The following PIEZO2 variants were observed in gnomAD, a reference collection of about 807,000 sequenced individuals.
PIEZO2 encodes piezo-type mechanosensitive ion channel component 2.
In PIEZO2, 172 loss-of-function variants were observed where a neutral mutation model predicts 337.3. The ratio of observed to expected loss-of-function variants is 0.51; its 90% CI spans 0.45 to 0.58. PIEZO2 has a LOEUF of 0.58. Among genes scored for constraint, PIEZO2 ranks in the 20% least tolerant of loss-of-function variants. PIEZO2 has a pLI of 0.00. For synonymous variants in PIEZO2, 1,251 were observed against 1,228.5 expected (o/e 1.02, Z -0.38); for missense variants, 3,028 against 3,391.3 (o/e 0.89, Z 2.66).
At chr18:11,100,387 A>G (rs2039376698) in intron 1 of PIEZO2, among the ~76,000 whole-genome samples, 1 of 152,144 alleles carries the variant, frequency 6.6e-6, no homozygotes, top group African/African-American at 2.4e-5. Flanking sequence ...ATATTCATGT[A>G]TTAGAGTTAA....
At chr18:10,928,578 T>G (rs571554974) in intron 3 of PIEZO2, among the ~76,000 whole-genome samples, 1 of 152,358 alleles carries the variant, frequency 6.6e-6, no homozygotes, top group South Asian at 2.1e-4. Flanking sequence ...AAAGTTTTGT[T>G]GTAAATGAAT....
At chr18:10,823,278 A>C (rs1013547034) in intron 7 of PIEZO2, among the ~76,000 whole-genome samples, 3 of 152,220 alleles carry the variant, frequency 2.0e-5, no homozygotes, top group African/African-American at 7.2e-5. Flanking sequence ...TAATTTTGCA[A>C]AAGTAGGAAA....
At chr18:10,671,840 C>T in intron 55 of PIEZO2, 61 bp from the exon 56 acceptor site, 1 of 1,399,806 alleles carries the variant, frequency 7.1e-7, no homozygotes, top group Non-Finnish European at 9.5e-7. Flanking sequence ...TAAAGAAAAG[C>T]ATGTCTAAAA....
chr18:10,812,367 G>A (rs898538927), intron 7 of PIEZO2, among the ~76,000 whole-genome samples: 3 of 152,142 alleles, frequency 2.0e-5, no homozygotes, highest in Admixed American at 6.6e-5. Context: ...CGGGACACCG[G>A]GGCCTACTTG....
In PIEZO2 at chr18:10,888,156, A is replaced by T. The variant is rs1320495475; in HGVS notation, c.330-16741T>A. 6.6e-6 allele frequency among the ~76,000 whole-genome samples: 1 copy of T among 152,120 alleles called. No individual in the cohort carries two copies. Reference sequence around the variant, plus strand: ...AATTGGTATTTGGCTGCAAGTAAGCACTTGCAAGTAAGCACTTCCTCTTAC... The same window carrying T: ...AATTGGTATTTGGCTGCAAGTAAGCTCTTGCAAGTAAGCACTTCCTCTTAC... On this transcript the variant is annotated intron_variant, in intron 4 of 55. Coordinates refer to ENST00000674853, the MANE Select transcript of PIEZO2 (RefSeq NM_001378183.1). This position sits in a 1 kb window ranked among gnomAD's most constrained non-coding sequence, Gnocchi z 4.1.
chr18:10,829,237 C>T (rs1309047616), intron 7 of PIEZO2, among the ~76,000 whole-genome samples: 1 of 151,306 alleles, frequency 6.6e-6, no homozygotes, highest in Non-Finnish European at 1.5e-5. Flanking sequence ...GATCACCTGA[C>T]GAAGCTGTTA....
Position 10,800,375 on chromosome 18 carries a change from G to A in PIEZO2, c.1340C>T (p.Thr447Ile), listed in dbSNP as rs1290844138. ...NGPGKADLYS[T>I]PQYRWEPSDE... is the part of the protein sequence containing the mutation. Reference sequence around the variant, plus strand: ...AGAGGGCTCCCACCGGTACTGAGGGGTGGAGTAGAGGTCGGCTTTGCCAGG... The same window carrying A: ...AGAGGGCTCCCACCGGTACTGAGGGATGGAGTAGAGGTCGGCTTTGCCAGG... The change falls in exon 11 of 56, where the codon ACC becomes ATC. Residue 447 changes from threonine (T) to isoleucine (I), a missense_variant. Transcript: ENST00000674853. The A allele has an allele frequency of 1.8e-5, 27 of 1,536,520 alleles. No individual in the cohort carries two copies. The highest frequency in any genetic ancestry group is 2.2e-5 in the Non-Finnish European group (25 of 1,146,614).
chr18:10,762,404 T>TA, intron 23 of PIEZO2, 96 bp downstream of exon 23: 1 of 1,396,440 alleles, frequency 7.2e-7, no homozygotes, highest in East Asian at 2.5e-5. Flanking sequence ...AAGATATGGT[T>TA]ACTATCAAAT....
chr18:11,020,902 G>GA (rs768258799), intron 2 of PIEZO2, among the ~76,000 whole-genome samples: 4 of 152,090 alleles, frequency 2.6e-5, no homozygotes, highest in Non-Finnish European at 5.9e-5. Flanking sequence ...CTTCCAAACT[G>GA]AAAAACTCAA....
In PIEZO2 at chr18:10,773,494, C is replaced by G. The variant is rs200362275; in HGVS notation, c.2703G>C (p.Lys901Asn). ...KLEGYSEKAQ[K>N]GDLGKDSEES... is the part of the protein sequence containing the mutation. The stretch of plus-strand genomic sequence containing the variant: ...CCTCGCTGTCTTTCCCAAGATCACC[C>G]TTCTGGGCTTTTTCAGAGTAGCCCT... Residue 901 changes from lysine to asparagine, a missense_variant, in exon 20 of 56, where the codon AAG (lysine) becomes AAC (asparagine). Lys to Asn is a moderately conservative substitution (Grantham distance 94). Around this residue, in one of 5 missense-constraint regions of PIEZO2, gnomAD observed 1,925 missense variants for 2,051.9 expected, o/e 0.94. Coordinates refer to ENST00000674853, the MANE Select transcript of PIEZO2 (RefSeq NM_001378183.1). This position sits in a 1 kb window ranked among gnomAD's most constrained non-coding sequence, Gnocchi z 5.3. 2 of 1,537,466 alleles carry G rather than the reference C, an allele frequency of 1.3e-6. No homozygotes were observed. Among genetic ancestry groups the G allele is most frequent in the Non-Finnish European group, 8.7e-7 (1 of 1,146,968 alleles).
chr18:11,018,107 C>T (rs1453133819), intron 2 of PIEZO2, among the ~76,000 whole-genome samples: 1 of 152,046 alleles, frequency 6.6e-6, no homozygotes, highest in East Asian at 1.9e-4. Context: ...GTTCCCTGCC[C>T]CTTCCAGCTT....
rs568772019 is a variant in PIEZO2 at position 10,819,678 on chromosome 18, G to A, written c.918-12404C>T. Among the ~76,000 whole-genome samples the A allele has an allele frequency of 1.3e-5, 2 of 152,228 alleles. No individual in the cohort carries two copies. Among genetic ancestry groups the A allele is most frequent in the East Asian group, 1.9e-4 (1 of 5,192 alleles). On this transcript the variant is annotated intron_variant, in intron 7 of 55. Transcript: ENST00000674853. This position sits in a 1 kb window ranked among gnomAD's most constrained non-coding sequence, Gnocchi z 4.3. ...CCTTCATGCTTGTTCTCTCACGGTCGCAAGAAACTGCTGCAGCTTCTTACA... is the reference window on the plus strand; with the variant it reads ...CCTTCATGCTTGTTCTCTCACGGTCACAAGAAACTGCTGCAGCTTCTTACA...
At chr18:10,950,096 T>C (rs987827369) in intron 3 of PIEZO2, among the ~76,000 whole-genome samples, 1 of 152,212 alleles carries the variant, frequency 6.6e-6, no homozygotes, top group African/African-American at 2.4e-5. Flanking sequence ...TAAGAGTTTC[T>C]AAAAATGTTG....
intron 3 of PIEZO2, among the ~76,000 whole-genome samples, chr18:10,972,263 C>T (rs1157144072): frequency 2.0e-5 from 3 of 151,552 alleles, no homozygotes; most frequent in Non-Finnish European, 4.4e-5. Context: ...TTCCTCCTAA[C>T]TCTTCCATCA....
chr18:10,715,836 C>A lies in PIEZO2; in HGVS notation c.5090-20G>T, dbSNP rs765922819. On this transcript the variant is annotated intron_variant, in intron 37 of 55. Transcript: ENST00000674853. ...TATTATCTAGGAGGAAGAAAGGCAA[C>A]AAGATGTTAAAGGAACAAAATACCA... 1.1e-5 allele frequency: 17 copies of A among 1,494,932 alleles called. 1 individual carries two copies. The South Asian group carries it at 1.5e-4, about 13-fold the overall frequency. The allele number at this position is 1,494,932 out of a possible 1,614,324, so 92.6% of individuals were successfully genotyped here. A position where few individuals can be genotyped will look rare whatever the true frequency, so the allele number is the denominator to read the frequency against.
At chr18:10,725,353 T>C in intron 36 of PIEZO2, 1 of 1,605,938 alleles carries the variant, frequency 6.2e-7, no homozygotes, top group Non-Finnish European at 8.5e-7. Flanking sequence ...AGTGAAGACC[T>C]GCTGTCCCAG....
At chr18:11,051,224 T>A (rs12607687) in intron 2 of PIEZO2, among the ~76,000 whole-genome samples, 36,252 of 151,936 alleles carry the variant, frequency 0.24, 5,243 homozygotes, top group Non-Finnish European at 0.33. Context: ...ATTACAATGT[T>A]GTCCAATCTC....
intron 3 of PIEZO2, among the ~76,000 whole-genome samples, chr18:10,976,389 C>T (rs937460210): frequency 1.3e-5 from 2 of 152,214 alleles, no homozygotes; most frequent in Non-Finnish European, 2.9e-5. Context: ...ATAAACCCAC[C>T]TTCAAGTTTC....
chr18:11,043,486 C>A (rs2037192951), intron 2 of PIEZO2, among the ~76,000 whole-genome samples: 1 of 152,118 alleles, frequency 6.6e-6, no homozygotes, highest in South Asian at 2.1e-4. Flanking sequence ...CATGTAATAA[C>A]AGGTGTGTGT....
Sources: allele counts gnomAD v4.1 joint callset (sites outside exome capture counted in the v4.1 genomes callset), GRCh38; gene constraint gnomAD v4.1.1; regional missense constraint gnomAD v4.1.1; non-coding constraint Gnocchi (gnomAD v3.1); transcripts MANE v1.5; gene names NCBI Gene and HGNC (gene_info 2026-07-23, HGNC 2026-07-21).